The following MYLK2 variants were observed in gnomAD, a reference collection of about 807,000 sequenced individuals.
MYLK2 encodes myosin light chain kinase 2, skeletal/cardiac muscle.
A neutral mutation model predicts 58.2 loss-of-function variants in MYLK2; 27 were observed. That is an observed-to-expected ratio of 0.46 (90% CI 0.34 to 0.64). The LOEUF (loss-of-function observed/expected upper bound fraction) is 0.64. Ranked by LOEUF, MYLK2 falls within the 30% of genes least tolerant of loss-of-function variation. The pLI is 0.01. For synonymous variants in MYLK2, 310 were observed against 296.7 expected, an observed-to-expected ratio of 1.04 and a Z score of -0.46; for missense variants, 676 against 764.3, an observed-to-expected ratio of 0.88 and a Z score of 1.36.
At chr20:31,833,361 A>G (rs2062316323) in intron 12 of MYLK2, among the ~76,000 whole-genome samples, 1 of 152,102 alleles carries the variant, frequency 6.6e-6, no homozygotes, top group African/African-American at 2.4e-5. Flanking sequence ...GCCAGTATGG[A>G]TGGAGTGGAG....
At chr20:31,826,141 C>T (rs1341813870) in intron 6 of MYLK2, among the ~76,000 whole-genome samples, 2 of 151,942 alleles carry the variant, frequency 1.3e-5, no homozygotes, top group South Asian at 2.1e-4. Context: ...GGGGAAGGGA[C>T]GATGTCTAAG....
chr20:31,827,126 A>G, intron 8 of MYLK2, 188 bp downstream of exon 8: 1 of 980,688 alleles, frequency 1.0e-6, no homozygotes, highest in Non-Finnish European at 1.2e-6. Context: ...CACAGCAAAG[A>G]GAGAGAGGGG....
chr20:31,823,473 C>T lies in MYLK2; in HGVS notation c.773-4C>T. On this transcript the variant is annotated splice_polypyrimidine_tract_variant and splice_region_variant and intron_variant, in intron 4 of 12. Coordinates refer to ENST00000375985, the MANE Select transcript of MYLK2 (RefSeq NM_033118.4). ...GACCATGAGGGCTGTGCTCTGTCCC[C>T]CAGATGATTGCCCGCCACCTCCGGC... is the stretch of plus-strand genomic sequence containing the variant. 1.2e-6 allele frequency: 2 copies of T among 1,612,056 alleles called. No individual in the cohort carries two copies. The highest frequency in any genetic ancestry group is 1.7e-6 in the Non-Finnish European group (2 of 1,179,720).
chr20:31,833,580 C>A, intron 12 of MYLK2, 137 bp from the exon 13 acceptor site: 1 of 772,568 alleles, frequency 1.3e-6, no homozygotes, highest in East Asian at 2.6e-5. Flanking sequence ...TGGCGCCTCC[C>A]GTGGCCATTT....
chr20:31,822,888 C>G (rs937136041), intron 4 of MYLK2, among the ~76,000 whole-genome samples: 4 of 152,208 alleles, frequency 2.6e-5, no homozygotes, highest in African/African-American at 9.6e-5. Flanking sequence ...GCTTCCCTGC[C>G]GCCTCTTGCT....
At chr20:31,831,624 C>G (rs2062306722) in intron 10 of MYLK2, 79 bp from the exon 11 acceptor site, 1 of 1,524,136 alleles carries the variant, frequency 6.6e-7, no homozygotes, top group African/African-American at 1.4e-5. Context: ...CTAGGATCTG[C>G]CCCTGTTCCC....
At chr20:31,828,237 T>C (rs754778056) in intron 8 of MYLK2, 12 of 985,218 alleles carry the variant, frequency 1.2e-5, no homozygotes, top group Non-Finnish European at 1.4e-5. Flanking sequence ...TCCGTAGCTG[T>C]CCGGAGCTGA....
Position 31,826,908 on chromosome 20 carries a change from CA to C in MYLK2, c.1196del (p.Lys399ArgfsTer2). The part of the protein sequence containing the change: ...QICDGILFMH[K>X]MRVLHLDLKP... ...TCTGTGACGGGATCCTCTTCATGCA[CA>C]AGATGAGGGTTTTGCACCTGGACCT... On this transcript the variant is annotated frameshift_variant, in exon 8 of 13. Transcript: ENST00000375985. LOFTEE classifies it high-confidence loss of function. 6.2e-7 allele frequency: 1 copy of C among 1,614,114 alleles called. No homozygotes were observed. Among genetic ancestry groups the C allele is most frequent in the Non-Finnish European group, 8.5e-7 (1 of 1,180,024 alleles).
rs767665293 is a variant in MYLK2 at position 31,833,828 on chromosome 20, CCA to C, written c.*36_*37del. The C allele has an allele frequency of 1.3e-6, 2 of 1,594,030 alleles. No individual in the cohort carries two copies. The highest frequency in any genetic ancestry group is 1.7e-6 in the Non-Finnish European group (2 of 1,166,414). On this transcript the variant is annotated 3_prime_UTR_variant, in exon 13 of 13. Coordinates refer to ENST00000375985, the MANE Select transcript of MYLK2 (RefSeq NM_033118.4). The stretch of plus-strand genomic sequence containing the variant: ...GGGCGCAGCTGAAGCCTGGACGCAG[CCA>C]CACAGTGGCCGGGGCTGAAGCCACA...
intron 4 of MYLK2, among the ~76,000 whole-genome samples, chr20:31,823,269 C>T (rs889141845): frequency 6.6e-6 from 1 of 152,210 alleles, no homozygotes; most frequent in African/African-American, 2.4e-5. Context: ...AGAAGCTGGT[C>T]CTCCCTGATA....
intron 8 of MYLK2, chr20:31,828,764 C>T: frequency 1.0e-6 from 1 of 970,932 alleles, no homozygotes; most frequent in African/African-American, 1.8e-5. Context: ...ATCTTCCCAA[C>T]AGTCCCCTGG....
At chr20:31,831,662 C>T in intron 10 of MYLK2, 41 bp from the exon 11 acceptor site, 1 of 1,609,452 alleles carries the variant, frequency 6.2e-7, no homozygotes, top group Non-Finnish European at 8.5e-7. Flanking sequence ...CTCAGCACCT[C>T]CAATCTCACC....
chr20:31,819,948 C>T (rs1321341299), intron 2 of MYLK2, among the ~76,000 whole-genome samples, 178 bp from the exon 3 acceptor site: 1 of 152,194 alleles, frequency 6.6e-6, no homozygotes, highest in African/African-American at 2.4e-5. Flanking sequence ...AGAGGCCCTC[C>T]AAGGTCGTGG....
chr20:31,824,794 G>A (rs1222232521), intron 6 of MYLK2, among the ~76,000 whole-genome samples: 15 of 152,210 alleles, frequency 9.9e-5, no homozygotes, highest in African/African-American at 2.4e-4. Context: ...AGGAGGCCAC[G>A]AGCAGTGTTT....
chr20:31,820,341 A>C lies in MYLK2; in HGVS notation c.268A>C (p.Ser90Arg). The C allele has an allele frequency of 1.2e-6, 2 of 1,612,946 alleles. No individual in the cohort carries two copies. Among genetic ancestry groups the C allele is most frequent in the Non-Finnish European group, 1.7e-6 (2 of 1,179,848 alleles). Reference sequence around the variant, plus strand: ...CAGGGGCGGGGGGCCCGCGGAGGGCAGTGCTGGGCCCCCGGCAGCCCTGCC... The same window carrying C: ...CAGGGGCGGGGGGCCCGCGGAGGGCCGTGCTGGGCCCCCGGCAGCCCTGCC... The part of the protein sequence containing the change: ...GDRGGGPAEG[S>R]AGPPAALPQQ... Residue 90 changes from serine to arginine, a missense_variant, in exon 3 of 13, where the codon AGT (serine) becomes CGT (arginine). Ser to Arg is a moderately radical substitution (Grantham distance 110). Coordinates refer to ENST00000375985, the MANE Select transcript of MYLK2 (RefSeq NM_033118.4).
rs772970924 is a variant in MYLK2, at chr20:31,820,444, G to A, written c.371G>A (p.Gly124Glu). 1 of 1,612,584 alleles carries A rather than the reference G, an allele frequency of 6.2e-7. No individual in the cohort carries two copies. The highest frequency in any genetic ancestry group is 8.5e-7 in the Non-Finnish European group (1 of 1,179,992). Residue 124 changes from glycine (G) to glutamate (E), a missense_variant, in exon 3 of 13, where the codon GGA (glycine) becomes GAA (glutamate). Gly to Glu is a moderately conservative substitution (Grantham distance 98, BLOSUM62 -2). Around this residue, in one of 2 missense-constraint regions of MYLK2, gnomAD observed 306 missense variants for 296.5 expected, o/e 1.03. Coordinates refer to ENST00000375985, the MANE Select transcript of MYLK2 (RefSeq NM_033118.4). The stretch of plus-strand genomic sequence containing the variant: ...GGAGCCTCAGGCAGCCAGGATCCTG[G>A]AAAGCCCAGGGTGGGCAAGAAGGCA... ...EQGASGSQDP[G>E]KPRVGKKAAE...
intron 8 of MYLK2, among the ~76,000 whole-genome samples, chr20:31,827,806 A>G (rs561353800): frequency 6.7e-6 from 1 of 150,096 alleles, no homozygotes; most frequent in Admixed American, 6.6e-5. Context: ...GACATGAGCC[A>G]CTGTTCCCGG....
intron 12 of MYLK2, among the ~76,000 whole-genome samples, chr20:31,833,084 T>C (rs2062314664): frequency 6.6e-6 from 1 of 151,792 alleles, no homozygotes; most frequent in Non-Finnish European, 1.5e-5. Context: ...GGAGATGAGG[T>C]CTCGCCATGT....
chr20:31,833,784 CT>C lies in MYLK2; in HGVS notation c.1779del (p.Leu594TrpfsTer40). 6.2e-7 allele frequency: 1 copy of C among 1,613,042 alleles called. No homozygotes were observed. The highest frequency in any genetic ancestry group is 1.1e-5 in the South Asian group (1 of 91,088). On this transcript the variant is annotated frameshift_variant, in exon 13 of 13. Coordinates refer to ENST00000375985, the MANE Select transcript of MYLK2 (RefSeq NM_033118.4). LOFTEE classifies it high-confidence loss of function. ...ATCAGCAGCTCGGGGGCACTGATGG[CT>C]CTGGGGGTCTGAGCCCTGGGCGCAG... ...KKISSSGALM[A>X]LGV
Sources: allele counts gnomAD v4.1 joint callset (sites outside exome capture counted in the v4.1 genomes callset), GRCh38; gene constraint gnomAD v4.1.1; regional missense constraint gnomAD v4.1.1; transcripts MANE v1.5; gene names NCBI Gene and HGNC (gene_info 2026-07-23, HGNC 2026-07-21).